The following WASHC3 variants were observed in gnomAD, a reference collection of about 807,000 sequenced individuals.
WASHC3 encodes WASH complex subunit 3, also known as WASH complex subunit CCDC53.
WASHC3 carries 24 observed loss-of-function variants against 26.1 expected under a neutral mutation model. The ratio of observed to expected loss-of-function variants is 0.92; its 90% CI spans 0.66 to 1.29. The LOEUF is 1.29. WASHC3 is among the 50% of genes most tolerant of loss of function. The pLI is 0.00. For missense variants in WASHC3, 214 were observed against 229.6 expected (o/e 0.93, Z 0.44); for synonymous variants, 77 against 75.7 (o/e 1.02, Z -0.09).
At chr12:102,045,980 A>T in intron 3 of WASHC3, 74 bp downstream of exon 3, 1 of 822,144 alleles carries the variant, frequency 1.2e-6, no homozygotes, top group Non-Finnish European at 2.0e-6. Flanking sequence ...AAATGCAATG[A>T]AAATTAAGTA....
At chr12:102,040,277 CATGAATTAT>C (rs1340809712) in intron 4 of WASHC3, 8 of 167,390 alleles carry the variant, frequency 4.8e-5, no homozygotes, top group African/African-American at 1.9e-4. Context: ...TGATACAAAG[CATGAATTAT>C]ATATAGGTGG....
intron 2 of WASHC3, among the ~76,000 whole-genome samples, chr12:102,060,377 G>C (rs977902687): frequency 6.6e-6 from 1 of 152,108 alleles, no homozygotes; most frequent in East Asian, 1.9e-4. Flanking sequence ...ATTCCCGGGC[G>C]CAAGTGATCC....
In WASHC3 at chr12:102,039,902, G is replaced by T; in HGVS notation, c.401C>A (p.Pro134Gln). Residue 134 changes from proline to glutamine, a missense_variant, in exon 5 of 7, where the codon CCA becomes CAA. Coordinates refer to ENST00000240079, the MANE Select transcript of WASHC3 (RefSeq NM_016053.4). ...CATTTTGAGATATCTGGCATATCTT[G>T]GATCCTTGGCTACAGTTAAGATATT... ...AENILTVAKD[P>Q]RYARYLKMVQ... 1.3e-6 allele frequency: 2 copies of T among 1,599,774 alleles called. No individual in the cohort carries two copies. The highest frequency in any genetic ancestry group is 2.2e-5 in the South Asian group (2 of 90,670).
rs563837666 is a variant in WASHC3, at chr12:102,034,265, C to T, written c.435+5603G>A. Among the ~76,000 whole-genome samples the T allele has an allele frequency of 2.0e-5, 3 of 152,194 alleles. No individual in the cohort carries two copies. In the South Asian group the frequency reaches 6.2e-4, roughly 32 times the overall value. ...ACACAGAAAATAGGAAGGCATATCA[C>T]CATCCTGAGGTATAGAGATACAAAG... On this transcript the variant is annotated intron_variant, in intron 5 of 6. Transcript: ENST00000240079.
At chr12:102,014,955 G>C (rs1876635016) in intron 6 of WASHC3, among the ~76,000 whole-genome samples, 1 of 152,280 alleles carries the variant, frequency 6.6e-6, no homozygotes, top group Non-Finnish European at 1.5e-5. Flanking sequence ...TAGTACCTAT[G>C]ACAACTCAAA....
At chr12:102,044,519 T>G (rs1878074563) in intron 3 of WASHC3, among the ~76,000 whole-genome samples, 1 of 152,236 alleles carries the variant, frequency 6.6e-6, no homozygotes, top group Non-Finnish European at 1.5e-5. Context: ...TCACAAGCTG[T>G]GTGATCTTGT....
At position 102,050,844 on chromosome 12, in the gene WASHC3, T is replaced by C. The variant is rs542896504; in HGVS notation, c.151-4725A>G. Among the ~76,000 whole-genome samples the C allele has an allele frequency of 5.3e-4, 80 of 152,314 alleles. 2 individuals carry two copies. The highest frequency in any genetic ancestry group is 2.3e-3 in the East Asian group (12 of 5,186). On this transcript the variant is annotated intron_variant, in intron 2 of 6. Transcript: ENST00000240079. ...AATTTGCAGTCCCAATGGATGACCA[T>C]AAGATTTTGCTGACTAAAGCAAGAA...
intron 1 of WASHC3, among the ~76,000 whole-genome samples, 183 bp from the exon 2 acceptor site, chr12:102,061,529 CAA>C (rs1387085932): frequency 6.6e-6 from 1 of 152,154 alleles, no homozygotes; most frequent in Non-Finnish European, 1.5e-5. Context: ...CAGAGGTGCA[CAA>C]AAGTTTGAGA....
At chr12:102,046,232 A>G in intron 2 of WASHC3, 113 bp from the exon 3 acceptor site, 1 of 633,042 alleles carries the variant, frequency 1.6e-6, no homozygotes. Context: ...ATATTCTAAT[A>G]CAGTACTGTC....
chr12:102,047,121 CA>C (rs1213205707), intron 2 of WASHC3, among the ~76,000 whole-genome samples: 4 of 152,174 alleles, frequency 2.6e-5, no homozygotes, highest in Non-Finnish European at 5.9e-5. Flanking sequence ...AAGGTAGCAT[CA>C]TAAAATATGA....
At chr12:102,035,430 A>G (rs1334591233) in intron 5 of WASHC3, among the ~76,000 whole-genome samples, 1 of 152,188 alleles carries the variant, frequency 6.6e-6, no homozygotes, top group African/African-American at 2.4e-5. Context: ...ACAGTCACTC[A>G]TGATATGCTT....
chr12:102,045,318 G>A (rs1421630914), intron 3 of WASHC3, among the ~76,000 whole-genome samples: 1 of 152,118 alleles, frequency 6.6e-6, no homozygotes, highest in Non-Finnish European at 1.5e-5. Flanking sequence ...AAGAGACGTA[G>A]AAAGTACAAA....
At chr12:102,019,377 AGTT>A in intron 6 of WASHC3, 1 of 392,176 alleles carries the variant, frequency 2.5e-6, no homozygotes, top group South Asian at 1.9e-5. Context: ...TCACCCTACA[AGTT>A]GTTTTTCATG....
intron 2 of WASHC3, chr12:102,050,270 G>A (rs1205585716): frequency 2.2e-6 from 1 of 454,128 alleles, no homozygotes; most frequent in South Asian, 1.6e-5. Context: ...ACTCCAGCAT[G>A]GGTGACAAAG....
intron 5 of WASHC3, among the ~76,000 whole-genome samples, chr12:102,027,635 G>A (rs574633205): frequency 3.9e-4 from 59 of 152,128 alleles, no homozygotes; most frequent in African/African-American, 1.4e-3. Context: ...AGATAGCTAT[G>A]GAAAGAGTCA....
Position 102,061,252 on chromosome 12 carries a change from T to A in WASHC3, c.146A>T (p.Glu49Val). The A allele has an allele frequency of 1.2e-6, 2 of 1,612,254 alleles. No homozygotes were observed. Among genetic ancestry groups the A allele is most frequent in the Non-Finnish European group, 1.7e-6 (2 of 1,178,374 alleles). The change falls in exon 2 of 7, where the codon GAG becomes GTG. Residue 49 changes from glutamate to valine, a missense_variant. Coordinates refer to ENST00000240079, the MANE Select transcript of WASHC3 (RefSeq NM_016053.4). ...QFLNRFSTVC[E>V]EKLADLSLRI... ...AACCAGTATCACCGGACCTACCTCCTCACAAACTGTAGAAAAGCGGTTGAG... is the reference window on the plus strand; with the variant it reads ...AACCAGTATCACCGGACCTACCTCCACACAAACTGTAGAAAAGCGGTTGAG...
chr12:102,052,302 T>C (rs1239988935), intron 2 of WASHC3, among the ~76,000 whole-genome samples: 1 of 152,172 alleles, frequency 6.6e-6, no homozygotes, highest in African/African-American at 2.4e-5. Flanking sequence ...CACAGGACTT[T>C]GCCTTGGACC....
intron 6 of WASHC3, chr12:102,017,778 T>A: frequency 2.3e-6 from 1 of 437,588 alleles, no homozygotes; most frequent in Non-Finnish European, 4.5e-6. Context: ...TTATTGTCTG[T>A]CTTCATTTTT....
chr12:102,028,434 C>A (rs1038381171), intron 5 of WASHC3, among the ~76,000 whole-genome samples: 1 of 152,050 alleles, frequency 6.6e-6, no homozygotes, highest in African/African-American at 2.4e-5. Flanking sequence ...TTTAAAAAGA[C>A]CTCTTGGCTT....
Sources: allele counts gnomAD v4.1 joint callset (sites outside exome capture counted in the v4.1 genomes callset), GRCh38; gene constraint gnomAD v4.1.1; transcripts MANE v1.5; gene names NCBI Gene and HGNC (gene_info 2026-07-23, HGNC 2026-07-21).